Variants in UBR1 observed in about 807,000 individuals in gnomAD.
UBR1 encodes the protein ubiquitin protein ligase E3 component n-recognin 1.
Under a neutral mutation model 242.1 loss-of-function variants are expected in UBR1, and 102 were observed. The ratio of observed to expected loss-of-function variants is 0.42; its 90% CI spans 0.36 to 0.50. UBR1 has a LOEUF of 0.50. Ranked by LOEUF, UBR1 falls within the 20% of genes least tolerant of loss-of-function variation. The probability of loss-of-function intolerance (pLI) is 0.01; values close to 1 mark genes in which losing one functional copy is unlikely to be tolerated. For synonymous variants in UBR1, 675 were observed against 684.8 expected, an observed-to-expected ratio of 0.99 and a Z score of 0.22; for missense variants, 1,772 against 2,101.8, an observed-to-expected ratio of 0.84 and a Z score of 3.07.
At chr15:43,051,293 C>T (rs2033551821) in intron 12 of UBR1, among the ~76,000 whole-genome samples, 1 of 152,102 alleles carries the variant, frequency 6.6e-6, no homozygotes, top group Non-Finnish European at 1.5e-5. Context: ...GAGCTAGAGG[C>T]CATTATCCTT....
chr15:43,022,838 T>G, intron 25 of UBR1, 37 bp from the exon 26 acceptor site: 70 of 1,205,388 alleles, frequency 5.8e-5, no homozygotes, highest in Non-Finnish European at 8.0e-5. Context: ...AAAATTGCGC[T>G]TCTTCAGGTA....
intron 29 of UBR1, chr15:43,011,806 A>C: frequency 2.7e-6 from 1 of 370,706 alleles, no homozygotes; most frequent in Non-Finnish European, 5.4e-6. Flanking sequence ...AGACACATAC[A>C]AAAAGATTCT....
At chr15:43,097,986 T>C (rs1006134036) in intron 1 of UBR1, among the ~76,000 whole-genome samples, 4 of 152,268 alleles carry the variant, frequency 2.6e-5, no homozygotes, top group Non-Finnish European at 4.4e-5. Flanking sequence ...TCTTGGCCTA[T>C]GTCAGCTTTC....
intron 2 of UBR1, 64 bp from the exon 3 acceptor site, chr15:43,082,780 C>T: frequency 1.7e-6 from 2 of 1,204,732 alleles, no homozygotes; most frequent in Non-Finnish European, 2.5e-6. Context: ...CAAGGTATGA[C>T]TATAATACAA....
chr15:43,036,926 T>C (rs1434473475), intron 17 of UBR1, among the ~76,000 whole-genome samples: 1 of 152,062 alleles, frequency 6.6e-6, no homozygotes, highest in African/African-American at 2.4e-5. Flanking sequence ...TTTTTTCTTT[T>C]TTTTTTTTTA....
At chr15:43,081,808 A>G (rs943957897) in intron 3 of UBR1, among the ~76,000 whole-genome samples, 1 of 152,114 alleles carries the variant, frequency 6.6e-6, no homozygotes, top group African/African-American at 2.4e-5. Context: ...TAATCCAGTA[A>G]TTCCACTTCT....
chr15:42,983,831 A>G, intron 37 of UBR1, 66 bp downstream of exon 37: 1 of 1,017,936 alleles, frequency 9.8e-7, no homozygotes, highest in Non-Finnish European at 1.3e-6. Context: ...ATACACTGCC[A>G]GAAATGCAAT....
At chr15:43,082,763 T>C (rs1790748180) in intron 2 of UBR1, 47 bp from the exon 3 acceptor site, 2 of 1,385,280 alleles carry the variant, frequency 1.4e-6, no homozygotes, top group South Asian at 2.3e-5. Flanking sequence ...TGACTCCCAC[T>C]GATGCTCAAG....
At chr15:43,098,454 C>G (rs917296719) in intron 1 of UBR1, among the ~76,000 whole-genome samples, 1 of 152,182 alleles carries the variant, frequency 6.6e-6, no homozygotes, top group African/African-American at 2.4e-5. Context: ...TTGTAAAGAA[C>G]TGATTATCTA....
At chr15:43,043,908 A>G (rs1215982971) in intron 14 of UBR1, among the ~76,000 whole-genome samples, 1 of 152,210 alleles carries the variant, frequency 6.6e-6, no homozygotes, top group Non-Finnish European at 1.5e-5. Flanking sequence ...TGTAAATGGT[A>G]CAGACTAATT....
At chr15:43,083,878 A>C (rs535236583) in intron 2 of UBR1, among the ~76,000 whole-genome samples, 180 of 151,958 alleles carry the variant, frequency 1.2e-3, no homozygotes, top group Non-Finnish European at 2.2e-3. Context: ...CCCCGTCTCT[A>C]CTAAAAATAC....
chr15:42,949,802 A>C (rs2141248332), intron 46 of UBR1, among the ~76,000 whole-genome samples: 1 of 151,518 alleles, frequency 6.6e-6, no homozygotes, highest in South Asian at 2.1e-4. Flanking sequence ...CTGTCTCCCA[A>C]AATAAATAAA....
At chr15:43,049,988 G>A (rs1567136925) in intron 12 of UBR1, among the ~76,000 whole-genome samples, 2 of 151,970 alleles carry the variant, frequency 1.3e-5, no homozygotes, top group Non-Finnish European at 2.9e-5. Flanking sequence ...GCCTTACTCT[G>A]TTGCCCAGGT....
At chr15:43,000,631 A>C (rs115278982) in intron 32 of UBR1, among the ~76,000 whole-genome samples, 229 of 152,322 alleles carry the variant, frequency 1.5e-3, no homozygotes, top group African/African-American at 5.3e-3. Context: ...CTTATCTTTA[A>C]ATGGAAATAA....
intron 24 of UBR1, 117 bp downstream of exon 24, chr15:43,025,264 G>T: frequency 9.9e-7 from 1 of 1,008,696 alleles, no homozygotes. Context: ...AAAGCTCTTT[G>T]CACTTCCTTG....
At chr15:43,017,984 T>G (rs887185941) in intron 27 of UBR1, among the ~76,000 whole-genome samples, 1 of 151,712 alleles carries the variant, frequency 6.6e-6, no homozygotes, top group Non-Finnish European at 1.5e-5. Flanking sequence ...CGGAGACATT[T>G]CGACATTTCT....
At chr15:43,030,876 G>A (rs925964930) in intron 20 of UBR1, among the ~76,000 whole-genome samples, 3 of 152,142 alleles carry the variant, frequency 2.0e-5, no homozygotes, top group Non-Finnish European at 4.4e-5. Flanking sequence ...GCCAAAGAAC[G>A]ACTTTTTGTT....
intron 29 of UBR1, among the ~76,000 whole-genome samples, chr15:43,012,537 GT>G (rs1177423375): frequency 6.6e-6 from 1 of 152,146 alleles, no homozygotes; most frequent in African/African-American, 2.4e-5. Flanking sequence ...AAAATCACAT[GT>G]CCAATTAATC....
At chr15:43,098,965 AG>A (rs1194236638) in intron 1 of UBR1, among the ~76,000 whole-genome samples, 3 of 152,200 alleles carry the variant, frequency 2.0e-5, no homozygotes, top group Non-Finnish European at 4.4e-5. Flanking sequence ...CAAATTTCTA[AG>A]GAAAATCATC....
Sources: gnomAD v4.1 joint callset for allele counts (sites outside exome capture counted in the v4.1 genomes callset) on GRCh38, gnomAD v4.1.1 for gene constraint, MANE v1.5 for transcripts, NCBI Gene and HGNC (gene_info 2026-07-23, HGNC 2026-07-21) for gene names.